Variants in PLCB1 observed in about 807,000 individuals in gnomAD.
PLCB1 encodes phospholipase C beta 1.
Under a neutral mutation model 161.8 loss-of-function variants are expected in PLCB1, and 46 were observed. The observed-to-expected ratio is 0.28, with a 90% confidence interval of 0.22 to 0.36. The LOEUF is 0.36. Among genes scored for constraint, PLCB1 ranks in the 10% least tolerant of loss-of-function variants. The pLI is 1.00. For missense variants in PLCB1, 1,016 were observed against 1,472.5 expected (o/e 0.69, Z 5.07); for synonymous variants, 517 against 503.7 (o/e 1.03, Z -0.35).
Position 8,514,920 on chromosome 20 carries a change from GT to G in PLCB1, c.247-113372del, listed in dbSNP as rs1281255220. 2.0e-5 allele frequency among the ~76,000 whole-genome samples: 3 copies of G among 152,244 alleles called. No homozygotes were observed. In the East Asian group the frequency reaches 5.8e-4, roughly 29 times the overall value. Reference sequence around the variant, plus strand: ...AATATTCATCTCCAGGAGTTCAGGGGTTAGGCTAAGATTCTGAGTTTCCAAT... The same window carrying G: ...AATATTCATCTCCAGGAGTTCAGGGGTAGGCTAAGATTCTGAGTTTCCAAT... On this transcript the variant is annotated intron_variant, in intron 3 of 31. Coordinates refer to ENST00000338037, the MANE Select transcript of PLCB1 (RefSeq NM_015192.4).
At chr20:8,872,895 G>A (rs1987656364) in intron 31 of PLCB1, among the ~76,000 whole-genome samples, 2 of 152,062 alleles carry the variant, frequency 1.3e-5, no homozygotes, top group Admixed American at 6.6e-5. Context: ...TCCTCGCCCC[G>A]CAAAATGGAG....
chr20:8,161,318 T>G lies in PLCB1; in HGVS notation c.177+10947T>G, dbSNP rs188033978. On this transcript the variant is annotated intron_variant, in intron 2 of 31. Transcript: ENST00000338037. ...GTGTGTGTATACTTACACATATATA[T>G]AGTGTGTGTTAACAGACCTATGCAA... Among the ~76,000 whole-genome samples the G allele has an allele frequency of 5.6e-3, 848 of 152,306 alleles. 7 individuals carry two copies. Among genetic ancestry groups the G allele is most frequent in the African/African-American group, 0.019 (800 of 41,556 alleles).
chr20:8,255,309 A>G (rs903956969), intron 2 of PLCB1, among the ~76,000 whole-genome samples: 1 of 152,090 alleles, frequency 6.6e-6, no homozygotes, highest in Non-Finnish European at 1.5e-5. Context: ...AGATCTCCAT[A>G]TATATACATA....
rs911242999 is a variant in PLCB1, at chr20:8,884,109, T to C, written c.*2260T>C. 2 of 152,388 alleles carry C rather than the reference T, an allele frequency of 1.3e-5. No homozygotes were observed. The highest frequency in any genetic ancestry group is 4.8e-5 in the African/African-American group (2 of 41,462). The allele number at this position is 152,388 out of a possible 1,614,324, so 9.4% of individuals were successfully genotyped here. ...TCATTATCTTAGTGAATTTAGTCATTTTACAATATGTTTGTATTTGGCCAT... is the reference window on the plus strand; with the variant it reads ...TCATTATCTTAGTGAATTTAGTCATCTTACAATATGTTTGTATTTGGCCAT... On this transcript the variant is annotated 3_prime_UTR_variant, in exon 32 of 32. Coordinates refer to ENST00000338037, the MANE Select transcript of PLCB1 (RefSeq NM_015192.4).
chr20:8,568,760 G>C (rs80335416), intron 3 of PLCB1, among the ~76,000 whole-genome samples: 1 of 152,046 alleles, frequency 6.6e-6, no homozygotes, highest in East Asian at 1.9e-4. Flanking sequence ...TCATTTGATG[G>C]CTCTCTTAAG....
chr20:8,628,932 CA>C (rs540325935), intron 4 of PLCB1, among the ~76,000 whole-genome samples: 7,960 of 144,470 alleles, frequency 0.055, 253 homozygotes, highest in Middle Eastern at 0.12. Flanking sequence ...GACTGTATCT[CA>C]AAAAAAAAAA....
In PLCB1 at chr20:8,717,837, C is replaced by A; in HGVS notation, c.1502C>A (p.Ser501Tyr). 1 of 1,605,712 alleles carries A rather than the reference C, an allele frequency of 6.2e-7. No individual in the cohort carries two copies. The highest frequency in any genetic ancestry group is 8.5e-7 in the Non-Finnish European group (1 of 1,177,728). The change falls in exon 14 of 32, where the codon TCC becomes TAC. Residue 501 changes from serine to tyrosine, a missense_variant. Ser to Tyr is a moderately radical substitution (Grantham distance 144). Around this residue, in one of 10 missense-constraint regions of PLCB1, gnomAD observed 109 missense variants for 129.7 expected, o/e 0.84. Transcript: ENST00000338037. ...TCCTCCAGCATGTTCGAGCCCTCAT[C>A]CCCAGGAGCCGGTGAGGGGCTGGTG... ...SDSSSMFEPS[S>Y]PGAGEADTES... is the part of the protein sequence containing the mutation.
At chr20:8,652,969 T>C (rs1231576950) in intron 7 of PLCB1, 1 of 152,044 alleles carries the variant, frequency 6.6e-6, no homozygotes, top group African/African-American at 2.4e-5. Context: ...TTGAAAACTG[T>C]TCCGTGTTCA....
At chr20:8,570,449 A>T (rs1307622918) in intron 3 of PLCB1, among the ~76,000 whole-genome samples, 1 of 152,220 alleles carries the variant, frequency 6.6e-6, no homozygotes, top group Non-Finnish European at 1.5e-5. Context: ...GTAAAGATAC[A>T]TATATACGAA....
At chr20:8,172,464 G>C (rs2051742759) in intron 2 of PLCB1, among the ~76,000 whole-genome samples, 1 of 152,200 alleles carries the variant, frequency 6.6e-6, no homozygotes, top group Non-Finnish European at 1.5e-5. Flanking sequence ...CAATTGGCTG[G>C]AGCATAGTAA....
chr20:8,188,046 G>A (rs1043523256), intron 2 of PLCB1, among the ~76,000 whole-genome samples: 1 of 150,678 alleles, frequency 6.6e-6, no homozygotes, highest in Non-Finnish European at 1.5e-5. Context: ...GGCTGATTTA[G>A]GCTGGGCTCA....
At chr20:8,253,257 T>C (rs954189444) in intron 2 of PLCB1, among the ~76,000 whole-genome samples, 1 of 152,006 alleles carries the variant, frequency 6.6e-6, no homozygotes, top group Admixed American at 6.6e-5. Flanking sequence ...ATTTTATTTG[T>C]TGTTGTTGTT....
chr20:8,138,826 G>A (rs1178302516), intron 1 of PLCB1, among the ~76,000 whole-genome samples: 1 of 152,008 alleles, frequency 6.6e-6, no homozygotes, highest in African/African-American at 2.4e-5. Flanking sequence ...AAGAGCTAAT[G>A]TTCGATTTTA....
intron 31 of PLCB1, among the ~76,000 whole-genome samples, chr20:8,872,945 C>T (rs1450764598): frequency 2.6e-5 from 4 of 152,234 alleles, no homozygotes; most frequent in African/African-American, 4.8e-5. Context: ...GTTATTTCTG[C>T]GACTTAAGGA....
chr20:8,584,623 T>C (rs1274169715), intron 3 of PLCB1, among the ~76,000 whole-genome samples: 1 of 152,056 alleles, frequency 6.6e-6, no homozygotes, highest in Non-Finnish European at 1.5e-5. Context: ...CACGCTTCCA[T>C]GGAAGAATTG....
At chr20:8,838,582 G>A (rs1163631344) in intron 31 of PLCB1, among the ~76,000 whole-genome samples, 2 of 152,202 alleles carry the variant, frequency 1.3e-5, no homozygotes, top group African/African-American at 2.4e-5. Flanking sequence ...TGGAGTGAGG[G>A]CTATTACAGA....
At chr20:8,565,020 A>G (rs1986276593) in intron 3 of PLCB1, among the ~76,000 whole-genome samples, 1 of 152,216 alleles carries the variant, frequency 6.6e-6, no homozygotes, top group Non-Finnish European at 1.5e-5. Flanking sequence ...TCATTCTACT[A>G]TAAAGACACA....
In PLCB1 at chr20:8,775,071, C is replaced by T. The variant is rs62198263; in HGVS notation, c.3111+352C>T. 1.2e-3 allele frequency among the ~76,000 whole-genome samples: 119 copies of T among 100,276 alleles called. 1 individual carries two copies. In the Admixed American group the frequency reaches 0.018, roughly 15 times the overall value. 65.8% of individuals were successfully genotyped at this position (100,276 alleles called of 152,430 possible). A position where few individuals can be genotyped will look rare whatever the true frequency, so the allele number is the denominator to read the frequency against. On this transcript the variant is annotated intron_variant, in intron 27 of 31. Transcript: ENST00000338037. ...TAAGAACATGTTGCAAACAAATTTT[C>T]CCTTTTTTTTTTTTTTTTTTTTTTT...
At chr20:8,721,225 G>A (rs1019060920) in intron 14 of PLCB1, among the ~76,000 whole-genome samples, 11 of 152,172 alleles carry the variant, frequency 7.2e-5, no homozygotes, top group African/African-American at 1.9e-4. Context: ...TATATAAATC[G>A]AGTAGGGCAG....
Sources: allele counts gnomAD v4.1 joint callset (sites outside exome capture counted in the v4.1 genomes callset), GRCh38; gene constraint gnomAD v4.1.1; regional missense constraint gnomAD v4.1.1; transcripts MANE v1.5; gene names NCBI Gene and HGNC (gene_info 2026-07-23, HGNC 2026-07-21).